Variants in S1PR2 observed in about 807,000 individuals in gnomAD.
The protein encoded by S1PR2 is sphingosine-1-phosphate receptor 2.
Under a neutral mutation model 16.1 loss-of-function variants are expected in S1PR2, and 9 were observed. That is an observed-to-expected ratio of 0.56 (90% CI 0.34 to 0.98). The LOEUF is 0.98. Among genes scored for constraint, S1PR2 ranks in the 50% least tolerant of loss-of-function variants. The pLI is 0.02. For synonymous variants in S1PR2, 224 were observed against 233.9 expected, an observed-to-expected ratio of 0.96 and a Z score of 0.38; for missense variants, 361 against 488.4, an observed-to-expected ratio of 0.74 and a Z score of 2.46.
At position 10,224,531 on chromosome 19, in the gene S1PR2, G is replaced by A. The variant is rs778120707; in HGVS notation, c.375C>T (p.Ala125=). 2 of 1,613,872 alleles carry A rather than the reference G, an allele frequency of 1.2e-6. No homozygotes were observed. Among genetic ancestry groups the A allele is most frequent in the Non-Finnish European group, 1.7e-6 (2 of 1,180,046 alleles). The change falls in exon 2 of 2, where the codon GCC becomes GCT. Residue 125 remains alanine, a synonymous_variant. Transcript: ENST00000646641. The stretch of plus-strand genomic sequence containing the variant: ...TGGCCACGTGGCGCTCAATGGCGAT[G>A]GCCAGGAGGCTGAAGACAGAGGCCG... ...TLSASVFSLL[A]IAIERHVAIA... is the part of the protein sequence containing the mutation.
chr19:10,227,316 G>C (rs994817154), intron 1 of S1PR2, among the ~76,000 whole-genome samples: 30 of 152,098 alleles, frequency 2.0e-4, no homozygotes, highest in African/African-American at 6.0e-4. Flanking sequence ...GAGGTTTCCG[G>C]AGTCACCCAG....
chr19:10,226,010 G>A (rs1044401313), intron 1 of S1PR2, among the ~76,000 whole-genome samples: 4 of 151,108 alleles, frequency 2.6e-5, no homozygotes, highest in African/African-American at 9.7e-5. Context: ...TCCCCCAAAT[G>A]GCATGAAAAA....
rs2039603119 is a variant in S1PR2 at position 10,223,030 on chromosome 19, G to A, written c.*814C>T. 6.6e-6 allele frequency: 1 copy of A among 150,714 alleles called. No homozygotes were observed. The highest frequency in any genetic ancestry group is 1.5e-5 in the Non-Finnish European group (1 of 67,950). 9.3% of individuals were successfully genotyped at this position (150,714 alleles called of 1,614,324 possible). A position where few individuals can be genotyped will look rare whatever the true frequency, so the allele number is the denominator to read the frequency against. ...AAAAAAAAAAAAATTACCTGGGCGTGGTGGTAGGCACCTGTAATCCCAGCT... is the reference window on the plus strand; with the variant it reads ...AAAAAAAAAAAAATTACCTGGGCGTAGTGGTAGGCACCTGTAATCCCAGCT... On this transcript the variant is annotated 3_prime_UTR_variant, in exon 2 of 2. Transcript: ENST00000646641.
At position 10,221,717 on chromosome 19, in the gene S1PR2, G is replaced by A. The variant is rs1407327308; in HGVS notation, c.*2127C>T. 1 of 152,448 alleles carries A rather than the reference G, an allele frequency of 6.6e-6. No homozygotes were observed. Among genetic ancestry groups the A allele is most frequent in the African/African-American group, 2.4e-5 (1 of 41,466 alleles). The allele number at this position is 152,448 out of a possible 1,614,324, so 9.4% of individuals were successfully genotyped here. ...TTTGGCAGCTTCAACACAAACATGA[G>A]CAGACAGGACAGCATTCATTCTGGG... On this transcript the variant is annotated 3_prime_UTR_variant, in exon 2 of 2. Coordinates refer to ENST00000646641, the MANE Select transcript of S1PR2 (RefSeq NM_004230.4).
chr19:10,227,095 G>C (rs779157306), intron 1 of S1PR2, among the ~76,000 whole-genome samples: 24 of 151,940 alleles, frequency 1.6e-4, no homozygotes, highest in African/African-American at 5.8e-4. Context: ...CCTTCCCCCA[G>C]CTTGGGGGTA....
At position 10,229,098 on chromosome 19, in the gene S1PR2, T is replaced by TC. The variant is rs142165603; in HGVS notation, c.-43+2105dup. ...TTTTAAACTTGTAACTCCATGTCAC[T>TC]CCCCAACTCCAAATTCTTCCATGGC... On this transcript the variant is annotated intron_variant, in intron 1 of 1. Transcript: ENST00000646641. 4.9e-3 allele frequency among the ~76,000 whole-genome samples: 738 copies of TC among 151,944 alleles called. 11 individuals are homozygous for TC. The highest frequency in any genetic ancestry group is 0.017 in the African/African-American group (700 of 41,410).
rs2039609248 is a variant in S1PR2 at position 10,223,763 on chromosome 19, C to T, written c.*81G>A. 5 of 1,315,288 alleles carry T rather than the reference C, an allele frequency of 3.8e-6. No individual in the cohort carries two copies. Among genetic ancestry groups the T allele is most frequent in the Non-Finnish European group, 2.1e-6 (2 of 960,800 alleles). The allele number at this position is 1,315,288 out of a possible 1,614,324, so 81.5% of individuals were successfully genotyped here. ...GGGCGGGGGCATCTGGCTCAGTAGC[C>T]CCAAGTCTCTATCTGGGGTCACCCA... On this transcript the variant is annotated 3_prime_UTR_variant, in exon 2 of 2. Transcript: ENST00000646641.
intron 1 of S1PR2, among the ~76,000 whole-genome samples, chr19:10,225,391 T>TA (rs1491283193): frequency 7.3e-3 from 83 of 11,372 alleles, no homozygotes; most frequent in Non-Finnish European, 0.015. Flanking sequence ...GCCTGGCTAA[T>TA]TTTTTTTTTT....
rs150504911 is a variant in S1PR2 at position 10,224,341 on chromosome 19, G to C, written c.565C>G (p.His189Asp). ...CSTVLPLYAKHYVLCVVTIFS... is the reference protein window; with the variant it reads ...CSTVLPLYAKDYVLCVVTIFS... ...ATGGTCACCACGCACAGCACATAAT[G>C]CTTGGCGTAGAGAGGCAGGACAGTG... is the stretch of plus-strand genomic sequence containing the variant. The change falls in exon 2 of 2, where the codon CAT (histidine) becomes GAT (aspartate). Residue 189 changes from histidine to aspartate, a missense_variant. Coordinates refer to ENST00000646641, the MANE Select transcript of S1PR2 (RefSeq NM_004230.4). 2.8e-4 allele frequency: 450 copies of C among 1,614,024 alleles called. No homozygotes were observed. Among genetic ancestry groups the C allele is most frequent in the Non-Finnish European group, 3.7e-4 (437 of 1,180,054 alleles).
At chr19:10,229,884 A>G (rs1344712244) in intron 1 of S1PR2, among the ~76,000 whole-genome samples, 1 of 152,192 alleles carries the variant, frequency 6.6e-6, no homozygotes, top group Non-Finnish European at 1.5e-5. Context: ...CCACCTAGAC[A>G]GTCAATGCCT....
chr19:10,224,708 C>A lies in S1PR2; in HGVS notation c.198G>T (p.Ser66=). 6.2e-7 allele frequency: 1 copy of A among 1,614,232 alleles called. No individual in the cohort carries two copies. Residue 66 remains serine, a synonymous_variant, in exon 2 of 2, where the codon TCG becomes TCT. Coordinates refer to ENST00000646641, the MANE Select transcript of S1PR2 (RefSeq NM_004230.4). ...GGTTGCCCAGAAACAGGTACATTGC[C>A]GAGTGGAACTTGCTGTTTCGGGCCA... ...IAVARNSKFH[S]AMYLFLGNLA...
intron 1 of S1PR2, among the ~76,000 whole-genome samples, chr19:10,225,385 G>A (rs2039626918): frequency 7.5e-6 from 1 of 132,818 alleles, no homozygotes; most frequent in Non-Finnish European, 1.6e-5. Context: ...CACCACGCCT[G>A]GCTAATTTTT....
At chr19:10,229,782 C>T (rs181314892) in intron 1 of S1PR2, among the ~76,000 whole-genome samples, 2 of 152,228 alleles carry the variant, frequency 1.3e-5, no homozygotes, top group Non-Finnish European at 2.9e-5. Context: ...CATCTCCAAG[C>T]CTTTTCTAAT....
chr19:10,225,677 T>G (rs1377633496), intron 1 of S1PR2, among the ~76,000 whole-genome samples: 2 of 151,840 alleles, frequency 1.3e-5, no homozygotes, highest in East Asian at 1.9e-4. Flanking sequence ...GGATTACCAG[T>G]GTGAGCCACC....
At chr19:10,226,394 T>A (rs1021843095) in intron 1 of S1PR2, among the ~76,000 whole-genome samples, 30 of 152,236 alleles carry the variant, frequency 2.0e-4, no homozygotes, top group African/African-American at 6.3e-4. Context: ...CTAGACGCTG[T>A]CTCAGCCTGA....
rs557191214 is a variant in S1PR2, at chr19:10,224,039, C to G, written c.867G>C (p.Thr289=). ...LNSLLNPVIY[T]WRSRDLRREV... Reference sequence around the variant, plus strand: ...CCCGCCGCAGGTCCCGGCTGCGCCACGTGTAGATGACGGGGTTGAGCAGGG... The same window carrying G: ...CCCGCCGCAGGTCCCGGCTGCGCCAGGTGTAGATGACGGGGTTGAGCAGGG... Residue 289 remains threonine (T), a synonymous_variant, in exon 2 of 2, where the codon ACG becomes ACC. Transcript: ENST00000646641. 6.2e-7 allele frequency: 1 copy of G among 1,611,940 alleles called. No individual in the cohort carries two copies. The highest frequency in any genetic ancestry group is 8.5e-7 in the Non-Finnish European group (1 of 1,179,992).
chr19:10,230,691 A>G (rs2039669700), intron 1 of S1PR2, among the ~76,000 whole-genome samples: 2 of 152,290 alleles, frequency 1.3e-5, no homozygotes, highest in African/African-American at 4.8e-5. Context: ...TCCTTACAAA[A>G]CAAAGCCACG....
rs2039600912 is a variant in S1PR2 at position 10,222,738 on chromosome 19, A to C, written c.*1106T>G. On this transcript the variant is annotated 3_prime_UTR_variant, in exon 2 of 2. Coordinates refer to ENST00000646641, the MANE Select transcript of S1PR2 (RefSeq NM_004230.4). ...GGATTTGGGCTCTGGATGGTCAGAG[A>C]GGAGGCCTCTAGCTCCTCAGGACAG... The C allele has an allele frequency of 6.6e-6, 1 of 152,306 alleles. No homozygotes were observed. The highest frequency in any genetic ancestry group is 2.1e-4 in the South Asian group (1 of 4,824). The allele number at this position is 152,306 out of a possible 1,614,324, so 9.4% of individuals were successfully genotyped here.
At chr19:10,230,258 C>A (rs2039663228) in intron 1 of S1PR2, among the ~76,000 whole-genome samples, 1 of 152,204 alleles carries the variant, frequency 6.6e-6, no homozygotes, top group African/African-American at 2.4e-5. Flanking sequence ...GCGGGAGCCA[C>A]GCCTCCTCTC....
Sources: gnomAD v4.1 joint callset for allele counts (sites outside exome capture counted in the v4.1 genomes callset) on GRCh38, gnomAD v4.1.1 for gene constraint, MANE v1.5 for transcripts, NCBI Gene and HGNC (gene_info 2026-07-23, HGNC 2026-07-21) for gene names.